Variants in ATP8A2 observed in about 807,000 individuals in gnomAD.
The protein encoded by ATP8A2 is phospholipid-transporting ATPase IB.
A neutral mutation model predicts 165.6 loss-of-function variants in ATP8A2; 100 were observed. The ratio of observed to expected loss-of-function variants is 0.60; its 90% CI spans 0.51 to 0.71. ATP8A2 has a LOEUF of 0.71. Ranked by LOEUF, ATP8A2 falls within the 30% of genes least tolerant of loss-of-function variation. The probability of loss-of-function intolerance (pLI) is 0.00; values close to 1 mark genes in which losing one functional copy is unlikely to be tolerated. For synonymous variants in ATP8A2, 543 were observed against 548.8 expected (o/e 0.99, Z 0.15); for missense variants, 1,227 against 1,479.5 (o/e 0.83, Z 2.80).
At chr13:25,487,896 A>G (rs528449621) in intron 2 of ATP8A2, among the ~76,000 whole-genome samples, 2 of 152,130 alleles carry the variant, frequency 1.3e-5, no homozygotes, top group East Asian at 1.9e-4. Flanking sequence ...GCTATAGTAT[A>G]AGGAACAAAA....
Position 25,968,614 on chromosome 13 carries a change from G to C in ATP8A2, c.3312G>C (p.Val1104=). 1 of 1,613,924 alleles carries C rather than the reference G, an allele frequency of 6.2e-7. No individual in the cohort carries two copies. Among genetic ancestry groups the C allele is most frequent in the Non-Finnish European group, 8.5e-7 (1 of 1,180,000 alleles). ...GCAAAAAGACATTGCTGGAGGAGGT[G>C]CAGGAGCTGGAAACCAAGTCTCGAG... The part of the protein sequence containing the change: ...HTCKKTLLEE[V]QELETKSRVL... The change falls in exon 35 of 37, where the codon GTG becomes GTC. Residue 1104 remains valine, a synonymous_variant. Transcript: ENST00000381655.
intron 33 of ATP8A2, among the ~76,000 whole-genome samples, chr13:25,882,957 T>C (rs1460330210): frequency 6.6e-6 from 1 of 151,864 alleles, no homozygotes; most frequent in East Asian, 1.9e-4. Flanking sequence ...GTGATGATGG[T>C]GATGGTGATG....
At chr13:25,697,477 C>T (rs549577548) in intron 24 of ATP8A2, among the ~76,000 whole-genome samples, 3 of 152,198 alleles carry the variant, frequency 2.0e-5, no homozygotes, top group African/African-American at 7.2e-5. Flanking sequence ...GATGGGTTTT[C>T]GTCATGTTGG....
intron 1 of ATP8A2, among the ~76,000 whole-genome samples, chr13:25,452,541 A>C (rs2035257609): frequency 6.6e-6 from 1 of 152,200 alleles, no homozygotes; most frequent in South Asian, 2.1e-4. Context: ...TTCAGGCTGT[A>C]TTAAGTATAC....
At chr13:25,539,439 A>G (rs1276497070) in intron 7 of ATP8A2, among the ~76,000 whole-genome samples, 1 of 151,860 alleles carries the variant, frequency 6.6e-6, no homozygotes, top group Non-Finnish European at 1.5e-5. Flanking sequence ...CTTGGTCTTA[A>G]TACCAGATTG....
chr13:25,676,227 G>C (rs571521500), intron 24 of ATP8A2, among the ~76,000 whole-genome samples: 1 of 152,300 alleles, frequency 6.6e-6, no homozygotes, highest in East Asian at 1.9e-4. Context: ...GACATCATAA[G>C]CATAGATGTC....
chr13:25,520,242 C>T, intron 2 of ATP8A2, among the ~76,000 whole-genome samples: 1 of 152,208 alleles, frequency 6.6e-6, no homozygotes, highest in East Asian at 1.9e-4. Context: ...ACTTTTCTGG[C>T]TCTCACATAT....
rs191249507 is a variant in ATP8A2 at position 25,740,387 on chromosome 13, C to T, written c.2385-28659C>T. 1.8e-4 allele frequency among the ~76,000 whole-genome samples: 27 copies of T among 150,826 alleles called. No individual in the cohort carries two copies. The East Asian group carries it at 5.1e-3, about 28-fold the overall frequency. ...AACAGCAGTGTTTATTTTTCATTTC[C>T]AAAATTTCACCATTTAAGAGATAAG... On this transcript the variant is annotated intron_variant, in intron 25 of 36. Transcript: ENST00000381655.
At chr13:25,450,861 G>A (rs1269954878) in intron 1 of ATP8A2, among the ~76,000 whole-genome samples, 2 of 151,998 alleles carry the variant, frequency 1.3e-5, no homozygotes, top group African/African-American at 2.4e-5. Context: ...GGGCTCAAGT[G>A]ATCCTCCTGC....
chr13:25,425,171 G>A (rs2034409255), intron 1 of ATP8A2, among the ~76,000 whole-genome samples: 1 of 152,162 alleles, frequency 6.6e-6, no homozygotes, highest in African/African-American at 2.4e-5. Context: ...CTGTGTGTAA[G>A]TCTCAGTACA....
At position 25,551,456 on chromosome 13, in the gene ATP8A2, A is replaced by T. The variant is rs1402938008; in HGVS notation, c.1010A>T (p.Tyr337Phe). ...TTGGTGAGCTCGGCGGGGGCCCTGT[A>T]CTGGAACAGGTCTCATGGTGAAAAG... ...MALVSSAGAL[Y>F]WNRSHGEKNW... The change falls in exon 11 of 37, where the codon TAC (tyrosine) becomes TTC (phenylalanine). Residue 337 changes from tyrosine to phenylalanine, a missense_variant. Physicochemically the swap from Tyr to Phe is conservative, Grantham distance 22. This residue lies in a region of ATP8A2 where 592 missense variants were observed against 785.6 expected (regional missense o/e 0.75). Transcript: ENST00000381655. 4.3e-6 allele frequency: 7 copies of T among 1,613,826 alleles called. No homozygotes were observed. The African/African-American group carries it at 5.3e-5, about 12-fold the overall frequency.
chr13:25,929,231 C>T (rs1390345168), intron 33 of ATP8A2, among the ~76,000 whole-genome samples: 1 of 152,178 alleles, frequency 6.6e-6, no homozygotes, highest in Non-Finnish European at 1.5e-5. Flanking sequence ...AGGGAAGTCA[C>T]CGGACGTCCA....
chr13:25,511,358 G>A (rs1412971162), intron 2 of ATP8A2, among the ~76,000 whole-genome samples: 3 of 151,828 alleles, frequency 2.0e-5, no homozygotes, highest in Non-Finnish European at 2.9e-5. Context: ...TCCACACCTC[G>A]CCATCTTCTT....
At chr13:25,656,364 C>T (rs1223195965) in intron 24 of ATP8A2, among the ~76,000 whole-genome samples, 1 of 151,850 alleles carries the variant, frequency 6.6e-6, no homozygotes, top group African/African-American at 2.4e-5. Context: ...CAACCTCCGC[C>T]TCCTGGGTTC....
intron 35 of ATP8A2, among the ~76,000 whole-genome samples, chr13:26,006,991 TAA>T (rs576126332): frequency 7.6e-5 from 11 of 144,692 alleles, no homozygotes; most frequent in Admixed American, 3.5e-4. Flanking sequence ...ATTCTCTCTT[TAA>T]AAAAAAAAAA....
chr13:25,456,357 T>A lies in ATP8A2; in HGVS notation c.77-12620T>A, dbSNP rs148549228. On this transcript the variant is annotated intron_variant, in intron 1 of 36. Transcript: ENST00000381655. ...CAGTCCACACTTATACAAGTGGACA[T>A]CTTGTTAACTGGGAAGGCAGACACA... Among the ~76,000 whole-genome samples, 8 of 152,340 alleles carry A rather than the reference T, an allele frequency of 5.3e-5. No homozygotes were observed. In the East Asian group the frequency reaches 1.5e-3, roughly 29 times the overall value.
chr13:25,447,748 A>G (rs899782517), intron 1 of ATP8A2, among the ~76,000 whole-genome samples: 22 of 152,196 alleles, frequency 1.4e-4, no homozygotes, highest in African/African-American at 5.1e-4. Flanking sequence ...TCCAGTGTCC[A>G]GGAAGAATCA....
At position 25,431,835 on chromosome 13, in the gene ATP8A2, T is replaced by C. The variant is rs550497133; in HGVS notation, c.77-37142T>C. On this transcript the variant is annotated intron_variant, in intron 1 of 36. Coordinates refer to ENST00000381655, the MANE Select transcript of ATP8A2 (RefSeq NM_016529.6). Reference sequence around the variant, plus strand: ...TGTGCAGCCATCACAATTATCTAGTTCCAGAACATTTTCCTCACCCCTCAA... The same window carrying C: ...TGTGCAGCCATCACAATTATCTAGTCCCAGAACATTTTCCTCACCCCTCAA... 3.6e-4 allele frequency among the ~76,000 whole-genome samples: 55 copies of C among 152,322 alleles called. No homozygotes were observed. The South Asian group carries it at 0.011, about 30-fold the overall frequency.
intron 33 of ATP8A2, among the ~76,000 whole-genome samples, chr13:25,887,232 T>A (rs557779546): frequency 4.6e-5 from 7 of 152,332 alleles, no homozygotes; most frequent in African/African-American, 1.7e-4. Flanking sequence ...TCACTTGAGA[T>A]GCACACATGT....
Sources: gnomAD v4.1 joint callset for allele counts (sites outside exome capture counted in the v4.1 genomes callset) on GRCh38, gnomAD v4.1.1 for gene constraint, gnomAD v4.1.1 regional missense constraint, MANE v1.5 for transcripts, NCBI Gene and HGNC (gene_info 2026-07-23, HGNC 2026-07-21) for gene names.